The following ADAMTS18 variants were observed in gnomAD, a reference collection of about 807,000 sequenced individuals.
ADAMTS18 encodes ADAM metallopeptidase with thrombospondin type 1 motif 18.
A neutral mutation model predicts 165.9 loss-of-function variants in ADAMTS18; 157 were observed. The observed-to-expected ratio is 0.95, with a 90% CI of 0.83 to 1.08. The LOEUF (loss-of-function observed/expected upper bound fraction) is 1.08. Ranked by LOEUF, ADAMTS18 falls within the 50% of genes least tolerant of loss-of-function variation. The pLI, the probability that ADAMTS18 is intolerant of heterozygous loss-of-function variation, is 0.00. For synonymous variants in ADAMTS18, 782 were observed against 578.2 expected (o/e 1.35, Z -5.06); for missense variants, 2,040 against 1,534.0 (o/e 1.33, Z -5.51).
intron 16 of ADAMTS18, among the ~76,000 whole-genome samples, chr16:77,319,443 T>TTTG (rs889745643): frequency 2.0e-5 from 3 of 152,230 alleles, no homozygotes; most frequent in East Asian, 3.9e-4. Flanking sequence ...GGAAACACCT[T>TTTG]TTGTTGTTGT....
At chr16:77,377,054 A>G (rs997552623) in intron 3 of ADAMTS18, among the ~76,000 whole-genome samples, 1 of 152,150 alleles carries the variant, frequency 6.6e-6, no homozygotes, top group Non-Finnish European at 1.5e-5. Context: ...ACTTCAAGTG[A>G]TCCATCTGCC....
intron 11 of ADAMTS18, among the ~76,000 whole-genome samples, chr16:77,336,527 C>T (rs541813572): frequency 2.0e-5 from 3 of 152,294 alleles, no homozygotes; most frequent in African/African-American, 7.2e-5. Flanking sequence ...CTTCAGATAG[C>T]ATCCTTTTTC....
At chr16:77,334,797 A>ATAG (rs2056275620) in intron 12 of ADAMTS18, among the ~76,000 whole-genome samples, 1 of 120,474 alleles carries the variant, frequency 8.3e-6, no homozygotes, top group Non-Finnish European at 1.6e-5. Context: ...TAAATATACT[A>ATAG]TATACTATAG....
chr16:77,337,649 T>G (rs941526971), intron 11 of ADAMTS18, among the ~76,000 whole-genome samples: 8 of 152,310 alleles, frequency 5.3e-5, no homozygotes, highest in Admixed American at 5.2e-4. Context: ...CTAATTTCTT[T>G]TTGGAAAATG....
Position 77,364,339 on chromosome 16 carries a change from T to C in ADAMTS18, c.821A>G (p.Asp274Gly). The change falls in exon 5 of 23, where the codon GAT becomes GGT. Residue 274 changes from aspartate to glycine, a missense_variant. Asp to Gly is a moderately conservative substitution (Grantham distance 94). Coordinates refer to ENST00000282849, the MANE Select transcript of ADAMTS18 (RefSeq NM_199355.4). ...GGGTCGCCCAGAGCTCCCATATTCATCAAACCTTAGATAGGTGTCCTCTGT... is the reference window on the plus strand; with the variant it reads ...GGGTCGCCCAGAGCTCCCATATTCACCAAACCTTAGATAGGTGTCCTCTGT... ...PPTEDTYLRF[D>G]EYGSSGRPRR... 6.2e-7 allele frequency: 1 copy of C among 1,613,848 alleles called. No homozygotes were observed. The highest frequency in any genetic ancestry group is 8.5e-7 in the Non-Finnish European group (1 of 1,179,990).
intron 11 of ADAMTS18, among the ~76,000 whole-genome samples, chr16:77,336,630 G>A (rs2056315071): frequency 6.6e-6 from 1 of 152,092 alleles, no homozygotes; most frequent in Admixed American, 6.5e-5. Flanking sequence ...TCTTTCATTT[G>A]CCCATGATCT....
intron 3 of ADAMTS18, 29 bp from the exon 4 acceptor site, chr16:77,367,752 C>A: frequency 6.2e-7 from 1 of 1,614,078 alleles, no homozygotes; most frequent in South Asian, 1.1e-5. Flanking sequence ...AGCAAACAGT[C>A]ATGATTCCAT....
intron 3 of ADAMTS18, among the ~76,000 whole-genome samples, chr16:77,421,391 C>T (rs928310039): frequency 1.3e-5 from 2 of 152,200 alleles, no homozygotes; most frequent in African/African-American, 2.4e-5. Context: ...TTCACAGAGA[C>T]GTGTACAAAG....
chr16:77,430,791 A>G (rs2057729101), intron 3 of ADAMTS18, among the ~76,000 whole-genome samples: 1 of 152,200 alleles, frequency 6.6e-6, no homozygotes, highest in African/African-American at 2.4e-5. Flanking sequence ...AGCACCCCAC[A>G]TTCTAAAAGG....
intron 7 of ADAMTS18, 150 bp from the exon 8 acceptor site, chr16:77,359,573 T>G (rs1367044097): frequency 7.3e-6 from 5 of 680,580 alleles, no homozygotes; most frequent in Non-Finnish European, 1.3e-5. Context: ...AAAAGATCTA[T>G]AGTTCTTTGT....
At chr16:77,346,334 C>T (rs891954481) in intron 10 of ADAMTS18, among the ~76,000 whole-genome samples, 1 of 152,066 alleles carries the variant, frequency 6.6e-6, no homozygotes, top group Non-Finnish European at 1.5e-5. Context: ...TGATGTATCC[C>T]AAGCACCCAA....
intron 10 of ADAMTS18, 49 bp downstream of exon 10, chr16:77,353,684 G>A: frequency 2.5e-6 from 4 of 1,613,158 alleles, no homozygotes; most frequent in Non-Finnish European, 3.4e-6. Context: ...TAGGGACACA[G>A]ACACATTGCA....
intron 8 of ADAMTS18, 30 bp from the exon 9 acceptor site, chr16:77,356,107 G>T: frequency 1.2e-6 from 2 of 1,613,898 alleles, no homozygotes; most frequent in Non-Finnish European, 1.7e-6. Flanking sequence ...ACAAAATCCT[G>T]CTTTGTGAAC....
chr16:77,355,551 TG>T (rs750431509), intron 9 of ADAMTS18, among the ~76,000 whole-genome samples: 12 of 152,132 alleles, frequency 7.9e-5, no homozygotes, highest in Non-Finnish European at 1.3e-4. Flanking sequence ...TAGCAGCCTC[TG>T]GAAGTCACAG....
At chr16:77,291,176 C>T (rs2144564356) in intron 21 of ADAMTS18, 90 bp downstream of exon 21, 1 of 1,415,650 alleles carries the variant, frequency 7.1e-7, no homozygotes, top group South Asian at 1.2e-5. Flanking sequence ...CTTAGACAAC[C>T]ATTAACAGAC....
rs147318057 is a variant in ADAMTS18, at chr16:77,383,172, A to G, written c.496-15449T>C. ...AGCCTAGACTTAGCAGTGGTCTCCT[A>G]TCTCCTCTCCCTGTTGACAATCTCT... On this transcript the variant is annotated intron_variant, in intron 3 of 22. Transcript: ENST00000282849. Among the ~76,000 whole-genome samples the G allele has an allele frequency of 9.7e-3, 1,479 of 152,074 alleles. 26 individuals are homozygous for G. Among genetic ancestry groups the G allele is most frequent in the African/African-American group, 0.034 (1,392 of 41,462 alleles).
chr16:77,414,623 T>A (rs760086523), intron 3 of ADAMTS18, among the ~76,000 whole-genome samples: 1 of 152,110 alleles, frequency 6.6e-6, no homozygotes, highest in Non-Finnish European at 1.5e-5. Flanking sequence ...GATGGTAGAG[T>A]TCCACACATC....
rs766086387 is a variant in ADAMTS18, at chr16:77,355,900, C to A, written c.1460+40G>T. On this transcript the variant is annotated intron_variant, in intron 9 of 22. Transcript: ENST00000282849. The stretch of plus-strand genomic sequence containing the variant: ...TCTATGGAGCACAATTCTGTCATCA[C>A]TCCAAACCTAGGAGCACCCCAGGAT... 11 of 1,613,376 alleles carry A rather than the reference C, an allele frequency of 6.8e-6. No individual in the cohort carries two copies. The South Asian group carries it at 1.1e-4, about 16-fold the overall frequency.
At chr16:77,378,009 G>C (rs909707127) in intron 3 of ADAMTS18, among the ~76,000 whole-genome samples, 1 of 152,134 alleles carries the variant, frequency 6.6e-6, no homozygotes, top group Non-Finnish European at 1.5e-5. Flanking sequence ...GAAAACCATT[G>C]GTAAAAGGAT....
Sources: allele counts gnomAD v4.1 joint callset (sites outside exome capture counted in the v4.1 genomes callset), GRCh38; gene constraint gnomAD v4.1.1; transcripts MANE v1.5; gene names NCBI Gene and HGNC (gene_info 2026-07-23, HGNC 2026-07-21).